Variants in DACH2 observed in about 807,000 individuals in gnomAD.
DACH2 encodes dachshund family transcription factor 2, also known as dachshund homolog 2.
Under a neutral mutation model 35.8 loss-of-function variants are expected in DACH2, and 17 were observed. The observed-to-expected ratio is 0.48, with a 90% CI of 0.33 to 0.71. The LOEUF (loss-of-function observed/expected upper bound fraction) is 0.71, where lower values mean the gene tolerates loss of function less well. Among genes scored for constraint, DACH2 ranks in the 30% least tolerant of loss-of-function variants. The pLI, the probability that DACH2 is intolerant of heterozygous loss-of-function variation, is 0.02. For synonymous variants in DACH2, 195 were observed against 177.3 expected (o/e 1.10, Z -0.79); for missense variants, 469 against 472.7 (o/e 0.99, Z 0.07).
chrX:86,619,020 A>G (rs1253969583), intron 3 of DACH2, among the ~76,000 whole-genome samples: 1 of 112,278 alleles, frequency 8.9e-6, no homozygotes, highest in Non-Finnish European at 1.9e-5. Flanking sequence ...CCAGCTATTC[A>G]TATCAACTTG....
intron 6 of DACH2, among the ~76,000 whole-genome samples, chrX:86,722,954 G>T (rs777266941): frequency 1.8e-5 from 2 of 111,197 alleles, no homozygotes; most frequent in African/African-American, 6.5e-5. Context: ...CCTGATCATG[G>T]GCTTTATTTT....
chrX:86,675,586 A>G (rs1202365345), intron 4 of DACH2, among the ~76,000 whole-genome samples: 1 of 111,131 alleles, frequency 9.0e-6, no homozygotes, highest in African/African-American at 3.3e-5. Context: ...CGGGAGGCTG[A>G]CATAGAAGGA....
intron 7 of DACH2, among the ~76,000 whole-genome samples, chrX:86,777,876 A>G (rs190943387): frequency 4.5e-5 from 5 of 111,908 alleles, no homozygotes; most frequent in Admixed American, 3.8e-4. Flanking sequence ...GGCAATGTCT[A>G]TCAAGATGCC....
chrX:86,534,166 G>T (rs941074990), intron 3 of DACH2, among the ~76,000 whole-genome samples: 3 of 111,880 alleles, frequency 2.7e-5, no homozygotes, highest in Non-Finnish European at 5.6e-5. Flanking sequence ...GACGAAGTTA[G>T]GGAGAGCAGC....
chrX:86,458,511 A>G (rs1216986452), intron 2 of DACH2, among the ~76,000 whole-genome samples: 2 of 111,563 alleles, frequency 1.8e-5, no homozygotes, highest in African/African-American at 3.2e-5. Context: ...GGGATACAAT[A>G]TTATCCATAA....
intron 4 of DACH2, among the ~76,000 whole-genome samples, chrX:86,652,813 T>C (rs1224640882): frequency 1.8e-5 from 2 of 112,191 alleles, no homozygotes; most frequent in Non-Finnish European, 3.8e-5. Flanking sequence ...TGCACATTTG[T>C]TTCAGTTCCT....
At chrX:86,626,246 A>C (rs2040135788) in intron 3 of DACH2, among the ~76,000 whole-genome samples, 1 of 112,599 alleles carries the variant, frequency 8.9e-6, no homozygotes, top group African/African-American at 3.2e-5. Context: ...ATCAAATCTT[A>C]AAGCTCTTAA....
Position 86,741,286 on chromosome X carries a change from T to C in DACH2, c.1240+1404T>C, listed in dbSNP as rs962555579. ...CACTTAGCTTGTCAGTATTATATGTTTTTTGGAGCCCTTTAGCTTCATAGT... is the reference window on the plus strand; with the variant it reads ...CACTTAGCTTGTCAGTATTATATGTCTTTTGGAGCCCTTTAGCTTCATAGT... On this transcript the variant is annotated intron_variant, in intron 7 of 11. Coordinates refer to ENST00000373125, the MANE Select transcript of DACH2 (RefSeq NM_053281.3). Among the ~76,000 whole-genome samples, 7 of 111,576 alleles carry C rather than the reference T, an allele frequency of 6.3e-5. No individual in the cohort carries two copies. In the Admixed American group the frequency reaches 6.7e-4, roughly 11 times the overall value.
intron 1 of DACH2, among the ~76,000 whole-genome samples, chrX:86,324,340 T>A (rs1468526781): frequency 9.0e-6 from 1 of 111,105 alleles, no homozygotes; most frequent in Non-Finnish European, 1.9e-5. Flanking sequence ...AAGACAGTGG[T>A]TTCTTGAGAT....
chrX:86,259,191 C>G (rs780344490), intron 1 of DACH2, among the ~76,000 whole-genome samples: 5 of 112,099 alleles, frequency 4.5e-5, no homozygotes, highest in African/African-American at 1.6e-4. Flanking sequence ...ATAATTTTCT[C>G]TCCCTGTTCT....
intron 2 of DACH2, among the ~76,000 whole-genome samples, chrX:86,395,322 C>A (rs5968920): frequency 0.15 from 16,329 of 110,537 alleles, 1,026 homozygotes; most frequent in Non-Finnish European, 0.19. Flanking sequence ...TTATTTTAGT[C>A]ATTTGGGATA....
At chrX:86,803,981 T>TTTTG (rs1569484051) in intron 7 of DACH2, among the ~76,000 whole-genome samples, 1 of 111,169 alleles carries the variant, frequency 9.0e-6, no homozygotes, top group Non-Finnish European at 1.9e-5. Flanking sequence ...TTGTAAAGCA[T>TTTTG]TTTGTTAGTT....
chrX:86,506,289 C>T (rs891754507), intron 2 of DACH2, among the ~76,000 whole-genome samples: 2 of 112,097 alleles, frequency 1.8e-5, no homozygotes, highest in African/African-American at 3.2e-5. Context: ...GCTGTCAGTA[C>T]AGGGCTGAGT....
chrX:86,260,320 T>C (rs1182162622), intron 1 of DACH2, among the ~76,000 whole-genome samples: 3 of 110,904 alleles, frequency 2.7e-5, no homozygotes, highest in Non-Finnish European at 5.7e-5. Flanking sequence ...CTTGAGAAGA[T>C]CATGCCCTAC....
At position 86,420,468 on chromosome X, in the gene DACH2, A is replaced by G. The variant is rs767168294; in HGVS notation, c.527+43606A>G. ...AGAGAGGGCTTTGTTAAAATATTCCATGGAGTTTATGCCTTGTCTAATAAT... is the reference window on the plus strand; with the variant it reads ...AGAGAGGGCTTTGTTAAAATATTCCGTGGAGTTTATGCCTTGTCTAATAAT... On this transcript the variant is annotated intron_variant, in intron 2 of 11. Transcript: ENST00000373125. Among the ~76,000 whole-genome samples the G allele has an allele frequency of 4.5e-5, 5 of 111,519 alleles. No individual in the cohort carries two copies. The South Asian group carries it at 1.8e-3, about 41-fold the overall frequency.
chrX:86,583,772 T>G (rs2039533135), intron 3 of DACH2, among the ~76,000 whole-genome samples: 1 of 109,981 alleles, frequency 9.1e-6, no homozygotes, highest in South Asian at 3.8e-4. Flanking sequence ...TTGGTCATAG[T>G]GTGTGTGTGA....
In DACH2 at chrX:86,388,593, A is replaced by G. The variant is rs748046085; in HGVS notation, c.527+11731A>G. Among the ~76,000 whole-genome samples, 14 of 111,917 alleles carry G rather than the reference A, an allele frequency of 1.3e-4. No homozygotes were observed. The South Asian group carries it at 3.3e-3, about 27-fold the overall frequency. ...GCCTCCCTGGAAATGCTACGTTAATATTTGAAGTCCAGGAAGAACCATGTA... is the reference window on the plus strand; with the variant it reads ...GCCTCCCTGGAAATGCTACGTTAATGTTTGAAGTCCAGGAAGAACCATGTA... On this transcript the variant is annotated intron_variant, in intron 2 of 11. Coordinates refer to ENST00000373125, the MANE Select transcript of DACH2 (RefSeq NM_053281.3).
At chrX:86,491,433 A>G (rs1472394884) in intron 2 of DACH2, among the ~76,000 whole-genome samples, 1 of 112,232 alleles carries the variant, frequency 8.9e-6, no homozygotes, top group East Asian at 2.8e-4. Context: ...GAAAAGAGAA[A>G]CAAACCTTTA....
intron 1 of DACH2, among the ~76,000 whole-genome samples, chrX:86,179,084 G>T (rs1054592286): frequency 4.5e-5 from 5 of 111,514 alleles, no homozygotes; most frequent in Admixed American, 2.9e-4. Context: ...GTGTCATTTA[G>T]AGTTTGTGAC....
Sources: allele counts gnomAD v4.1 joint callset (sites outside exome capture counted in the v4.1 genomes callset), GRCh38; gene constraint gnomAD v4.1.1; transcripts MANE v1.5; gene names NCBI Gene and HGNC (gene_info 2026-07-23, HGNC 2026-07-21).